The following EGFLAM variants were observed in gnomAD, a reference collection of about 807,000 sequenced individuals.
The protein encoded by EGFLAM is pikachurin.
Under a neutral mutation model 113.1 loss-of-function variants are expected in EGFLAM, and 79 were observed. The ratio of observed to expected loss-of-function variants is 0.70; its 90% confidence interval spans 0.58 to 0.84. The LOEUF (loss-of-function observed/expected upper bound fraction) is 0.84. Among genes scored for constraint, EGFLAM ranks in the 40% least tolerant of loss-of-function variants. The pLI is 0.00. For missense variants in EGFLAM, 1,265 were observed against 1,291.6 expected (o/e 0.98, Z 0.32); for synonymous variants, 504 against 487.6 (o/e 1.03, Z -0.44).
At chr5:38,420,098 C>A (rs1051379350) in intron 12 of EGFLAM, among the ~76,000 whole-genome samples, 2 of 152,074 alleles carry the variant, frequency 1.3e-5, no homozygotes, top group African/African-American at 4.8e-5. Flanking sequence ...GTAACTTGCC[C>A]AAGGTCACAC....
chr5:38,287,308 A>G (rs2111777354), intron 1 of EGFLAM, among the ~76,000 whole-genome samples: 1 of 152,320 alleles, frequency 6.6e-6, no homozygotes, highest in South Asian at 2.1e-4. Flanking sequence ...TGCTACTATG[A>G]GTTAAGGCGT....
At chr5:38,402,456 T>C (rs1741146242) in intron 6 of EGFLAM, among the ~76,000 whole-genome samples, 1 of 152,234 alleles carries the variant, frequency 6.6e-6, no homozygotes, top group Non-Finnish European at 1.5e-5. Flanking sequence ...GAAAAGCTCC[T>C]GGCACACTAA....
chr5:38,355,424 G>GA (rs1235856779), intron 5 of EGFLAM, among the ~76,000 whole-genome samples: 2 of 152,164 alleles, frequency 1.3e-5, no homozygotes, highest in Non-Finnish European at 2.9e-5. Flanking sequence ...TGCAAGAGGT[G>GA]AGTGAGCCCT....
intron 1 of EGFLAM, among the ~76,000 whole-genome samples, chr5:38,309,631 A>G (rs1161865259): frequency 6.6e-6 from 1 of 152,236 alleles, no homozygotes; most frequent in African/African-American, 2.4e-5. Flanking sequence ...GCAAAGGAAC[A>G]CTTGGACAAT....
intron 13 of EGFLAM, among the ~76,000 whole-genome samples, chr5:38,425,819 A>G (rs962480919): frequency 5.3e-5 from 8 of 152,178 alleles, no homozygotes; most frequent in African/African-American, 1.9e-4. Flanking sequence ...ATTTCTGTCA[A>G]TTTCTGATAA....
intron 6 of EGFLAM, among the ~76,000 whole-genome samples, chr5:38,380,697 C>T (rs1326400560): frequency 1.3e-5 from 2 of 152,168 alleles, no homozygotes; most frequent in Non-Finnish European, 2.9e-5. Context: ...GGCAATCGCT[C>T]TATTGATTTG....
chr5:38,407,089 TG>T lies in EGFLAM; in HGVS notation c.1097del (p.Gly366AlafsTer32), dbSNP rs773311790. ...CAGCTTCTGTGTCAATGACTACACCTGGGGGGGCTCGCGATGCCAGTGCACC... is the reference window on the plus strand; with the variant it reads ...CAGCTTCTGTGTCAATGACTACACCTGGGGGGCTCGCGATGCCAGTGCACC... ...ADSFCVNDYT[W>X]GGSRCQCTLG... On this transcript the variant is annotated frameshift_variant, in exon 8 of 22. Transcript: ENST00000322350. LOFTEE classifies it high-confidence loss of function. The T allele has an allele frequency of 1.2e-5, 19 of 1,613,972 alleles. No homozygotes were observed. Among genetic ancestry groups the T allele is most frequent in the Non-Finnish European group, 1.6e-5 (19 of 1,179,990 alleles).
chr5:38,274,662 G>T (rs1757843638), intron 1 of EGFLAM, among the ~76,000 whole-genome samples: 1 of 152,102 alleles, frequency 6.6e-6, no homozygotes, highest in Non-Finnish European at 1.5e-5. Flanking sequence ...AAAAGCTGAG[G>T]AAATTTATCA....
intron 12 of EGFLAM, among the ~76,000 whole-genome samples, chr5:38,418,637 C>T (rs1162197950): frequency 6.6e-6 from 1 of 152,218 alleles, no homozygotes. Context: ...AGCTTTCATA[C>T]ACTCTCTGTT....
intron 6 of EGFLAM, among the ~76,000 whole-genome samples, chr5:38,375,060 G>GTTTTTTTTT (rs74821426): frequency 9.3e-6 from 1 of 107,728 alleles, no homozygotes. Flanking sequence ...CTCTGTTGTT[G>GTTTTTTTTT]TTTTTTTTTT....
intron 1 of EGFLAM, among the ~76,000 whole-genome samples, chr5:38,263,383 C>A (rs1215272681): frequency 2.0e-5 from 3 of 152,134 alleles, no homozygotes; most frequent in South Asian, 4.1e-4. Context: ...AATCACTTTA[C>A]CCTCAGAGAG....
At chr5:38,263,881 T>C (rs1757565109) in intron 1 of EGFLAM, among the ~76,000 whole-genome samples, 1 of 152,124 alleles carries the variant, frequency 6.6e-6, no homozygotes. Flanking sequence ...TGCTTGGTGG[T>C]GGGAGGTGGT....
chr5:38,456,794 G>A (rs1743102292), intron 19 of EGFLAM, among the ~76,000 whole-genome samples: 1 of 152,182 alleles, frequency 6.6e-6, no homozygotes, highest in Non-Finnish European at 1.5e-5. Flanking sequence ...GCAATGAGGT[G>A]AAGGAGAGAT....
At chr5:38,284,990 C>G (rs1758119919) in intron 1 of EGFLAM, among the ~76,000 whole-genome samples, 1 of 152,166 alleles carries the variant, frequency 6.6e-6, no homozygotes, top group Non-Finnish European at 1.5e-5. Context: ...AAAAACAAGA[C>G]TCAATTGTTA....
chr5:38,319,674 T>A (rs2111888563), intron 1 of EGFLAM, among the ~76,000 whole-genome samples: 1 of 152,110 alleles, frequency 6.6e-6, no homozygotes, highest in Middle Eastern at 3.4e-3. Flanking sequence ...AGATGATGGG[T>A]TCCATCTGGA....
intron 6 of EGFLAM, among the ~76,000 whole-genome samples, chr5:38,376,953 A>G (rs1026581390): frequency 2.6e-5 from 4 of 152,062 alleles, no homozygotes; most frequent in African/African-American, 9.7e-5. Context: ...TACAGTCCTG[A>G]GCCACTGTGC....
chr5:38,449,527 G>T (rs2112260163), intron 18 of EGFLAM, among the ~76,000 whole-genome samples: 1 of 152,270 alleles, frequency 6.6e-6, no homozygotes, highest in East Asian at 1.9e-4. Flanking sequence ...CGTGAAAGGG[G>T]CCCAAGCCTT....
At chr5:38,330,422 G>T (rs1739011252) in intron 1 of EGFLAM, among the ~76,000 whole-genome samples, 1 of 152,252 alleles carries the variant, frequency 6.6e-6, no homozygotes, top group Non-Finnish European at 1.5e-5. Context: ...GCCAGTAGTG[G>T]GGGTGAAGGC....
intron 5 of EGFLAM, among the ~76,000 whole-genome samples, chr5:38,367,629 A>G (rs906422603): frequency 2.0e-5 from 3 of 152,156 alleles, no homozygotes; most frequent in Admixed American, 6.5e-5. Flanking sequence ...TCATTGTTGA[A>G]TACATTGCCA....
Sources: allele counts gnomAD v4.1 joint callset (sites outside exome capture counted in the v4.1 genomes callset), GRCh38; gene constraint gnomAD v4.1.1; transcripts MANE v1.5; gene names NCBI Gene and HGNC (gene_info 2026-07-23, HGNC 2026-07-21).